RBM19: variants seen among roughly 807,000 people sequenced by gnomAD.
The protein encoded by RBM19 is RNA binding motif protein 19.
A neutral mutation model predicts 116.8 loss-of-function variants in RBM19; 94 were observed. The observed-to-expected ratio is 0.80, with a 90% CI of 0.68 to 0.95. The LOEUF is 0.95. RBM19 is among the 40% of genes least tolerant of loss of function. The probability of loss-of-function intolerance (pLI) is 0.00; values close to 1 mark genes in which losing one functional copy is unlikely to be tolerated. For synonymous variants in RBM19, 475 were observed against 494.1 expected (o/e 0.96, Z 0.51); for missense variants, 1,161 against 1,220.7 (o/e 0.95, Z 0.73).
intron 7 of RBM19, among the ~76,000 whole-genome samples, chr12:113,954,747 A>T (rs551354428): frequency 6.6e-6 from 1 of 152,290 alleles, no homozygotes; most frequent in South Asian, 2.1e-4. Flanking sequence ...CTAAAGTTTT[A>T]TTTATTTTTA....
rs1384872506 is a variant in RBM19, at chr12:113,952,520, T to G, written c.992A>C (p.Asn331Thr). 1 of 1,613,382 alleles carries G rather than the reference T, an allele frequency of 6.2e-7. No homozygotes were observed. The highest frequency in any genetic ancestry group is 1.7e-5 in the Admixed American group (1 of 60,016). Residue 331 changes from asparagine (N) to threonine (T), a missense_variant, in exon 8 of 24, where the codon AAT becomes ACT. Asn to Thr is a moderately conservative substitution (Grantham distance 65). Transcript: ENST00000261741. ...AACATCCTGGATCTTACCTGTTTTA[T>G]TCCCATGAGCGTTTCTCACAATTCG... is the stretch of plus-strand genomic sequence containing the variant. ...AIRIVRNAHG[N>T]KTGYIFVDFS...
At chr12:113,945,991 C>G in intron 12 of RBM19, 67 bp from the exon 13 acceptor site, 2 of 1,406,618 alleles carry the variant, frequency 1.4e-6, no homozygotes, top group Non-Finnish European at 1.0e-6. Flanking sequence ...TTCTCAGACA[C>G]GAATCCTGTA....
intron 21 of RBM19, among the ~76,000 whole-genome samples, chr12:113,908,004 G>A (rs1002247207): frequency 1.6e-4 from 25 of 152,168 alleles, no homozygotes; most frequent in Non-Finnish European, 2.6e-4. Context: ...GGGAGGAGAC[G>A]ACCTGTGCAG....
rs562562037 is a variant in RBM19, at chr12:113,909,266, G to A, written c.2558+5703C>T. ...GCCTCCTGAGTAACTGGGACTATAG[G>A]AGTGCCACACAGTTCAGCTAATTTT... is the stretch of plus-strand genomic sequence containing the variant. On this transcript the variant is annotated intron_variant, in intron 21 of 23. Coordinates refer to ENST00000261741, the MANE Select transcript of RBM19 (RefSeq NM_016196.4). Among the ~76,000 whole-genome samples the A allele has an allele frequency of 4.6e-5, 7 of 152,240 alleles. No homozygotes were observed. In the East Asian group the frequency reaches 1.3e-3, roughly 29 times the overall value.
chr12:113,879,431 T>TTATA (rs5801011), intron 21 of RBM19, among the ~76,000 whole-genome samples: 7,614 of 132,528 alleles, frequency 0.057, 625 homozygotes, highest in African/African-American at 0.16. Context: ...TACATACATT[T>TTATA]TATATATATA....
At chr12:113,925,120 CAGAAATTTTA>C (rs1331977315) in intron 17 of RBM19, among the ~76,000 whole-genome samples, 1 of 152,194 alleles carries the variant, frequency 6.6e-6, no homozygotes, top group Admixed American at 6.5e-5. Context: ...ATAATTTTTA[CAGAAATTTTA>C]AGTCATAGTC....
At chr12:113,847,472 G>A (rs895289003) in intron 22 of RBM19, among the ~76,000 whole-genome samples, 2 of 151,924 alleles carry the variant, frequency 1.3e-5, no homozygotes, top group Non-Finnish European at 2.9e-5. Flanking sequence ...TAAAACACAC[G>A]CGTTCTCAGC....
chr12:113,871,949 C>T (rs1260214523), intron 21 of RBM19, among the ~76,000 whole-genome samples: 5 of 151,522 alleles, frequency 3.3e-5, no homozygotes, highest in African/African-American at 1.2e-4. Flanking sequence ...GCTGCCACCC[C>T]GTCTGGGAAG....
chr12:113,935,957 A>T (rs1230177693), intron 16 of RBM19, among the ~76,000 whole-genome samples: 1 of 151,906 alleles, frequency 6.6e-6, no homozygotes, highest in Non-Finnish European at 1.5e-5. Flanking sequence ...AATTGCTTCA[A>T]CCCAGGAGGC....
intron 5 of RBM19, 120 bp downstream of exon 5, chr12:113,959,092 A>G (rs113721607): frequency 1.9e-4 from 195 of 1,049,548 alleles, no homozygotes; most frequent in African/African-American, 7.3e-4. Context: ...ATCACCCCCA[A>G]TGGAGAGCTC....
chr12:113,871,817 C>T (rs1408966160), intron 21 of RBM19, among the ~76,000 whole-genome samples: 3 of 151,536 alleles, frequency 2.0e-5, no homozygotes, highest in Non-Finnish European at 2.9e-5. Context: ...TTTGCCGCCG[C>T]GCCGGCGAGC....
intron 22 of RBM19, among the ~76,000 whole-genome samples, chr12:113,857,285 A>G (rs1877983673): frequency 6.6e-6 from 1 of 152,250 alleles, no homozygotes; most frequent in Middle Eastern, 3.2e-3. Context: ...GCTGGTGGCA[A>G]TGAGAAGGAA....
chr12:113,900,062 C>G (rs1205529766), intron 21 of RBM19, among the ~76,000 whole-genome samples: 1 of 152,164 alleles, frequency 6.6e-6, no homozygotes, highest in Non-Finnish European at 1.5e-5. Context: ...GCACCCTGTT[C>G]CACTGTCTGA....
chr12:113,820,681 T>C (rs4766698), downstream of RBM19, among the ~76,000 whole-genome samples: 140,058 of 152,110 alleles, frequency 0.92, 64,500 homozygotes, highest in East Asian at 0.97. Flanking sequence ...AGGGGCACCC[T>C]GAGATCTCTG....
At chr12:113,857,840 C>T (rs1878026508) in intron 22 of RBM19, among the ~76,000 whole-genome samples, 1 of 152,244 alleles carries the variant, frequency 6.6e-6, no homozygotes, top group Non-Finnish European at 1.5e-5. Context: ...CTTGTGATGC[C>T]AGCCTGCTAA....
chr12:113,901,292 C>G (rs1273278748), intron 21 of RBM19, among the ~76,000 whole-genome samples: 6 of 151,840 alleles, frequency 4.0e-5, no homozygotes, highest in Non-Finnish European at 8.8e-5. Flanking sequence ...TTTCTCTTCC[C>G]CCACTTATCC....
intron 17 of RBM19, 149 bp downstream of exon 17, chr12:113,926,905 G>T: frequency 1.1e-6 from 1 of 933,662 alleles, no homozygotes; most frequent in Non-Finnish European, 1.6e-6. Flanking sequence ...CACCCCAGGG[G>T]AAAGGGTCAA....
At chr12:113,899,195 C>G (rs976811967) in intron 21 of RBM19, among the ~76,000 whole-genome samples, 1 of 152,198 alleles carries the variant, frequency 6.6e-6, no homozygotes, top group Non-Finnish European at 1.5e-5. Context: ...TCAGTTTCCT[C>G]AGGGAGGATC....
chr12:113,832,009 A>G (rs1297874670), intron 23 of RBM19, among the ~76,000 whole-genome samples: 2 of 152,054 alleles, frequency 1.3e-5, no homozygotes, highest in Non-Finnish European at 2.9e-5. Context: ...GACCGAAAGA[A>G]TTCCCTCTCC....
Sources: allele counts gnomAD v4.1 joint callset (sites outside exome capture counted in the v4.1 genomes callset), GRCh38; gene constraint gnomAD v4.1.1; transcripts MANE v1.5; gene names NCBI Gene and HGNC (gene_info 2026-07-23, HGNC 2026-07-21).